The following NFATC2 variants were observed in gnomAD, a reference collection of about 807,000 sequenced individuals.
NFATC2 encodes nuclear factor of activated T-cells, cytoplasmic 2.
Under a neutral mutation model 87.3 loss-of-function variants are expected in NFATC2, and 22 were observed. That is an observed-to-expected ratio of 0.25 (90% CI 0.18 to 0.36). The LOEUF is 0.36. Ranked by LOEUF, NFATC2 falls within the 10% of genes least tolerant of loss-of-function variation. The probability of loss-of-function intolerance (pLI) is 1.00; values close to 1 mark genes in which losing one functional copy is unlikely to be tolerated. For missense variants in NFATC2, 1,149 were observed against 1,259.1 expected (o/e 0.91, Z 1.32); for synonymous variants, 565 against 542.2 (o/e 1.04, Z -0.58).
At chr20:51,397,600 A>G (rs1987365183) in intron 10 of NFATC2, among the ~76,000 whole-genome samples, 1 of 152,158 alleles carries the variant, frequency 6.6e-6, no homozygotes, top group Non-Finnish European at 1.5e-5. Flanking sequence ...CAAAGTCCTG[A>G]GGACACTCCT....
chr20:51,405,612 C>T (rs6021183), intron 9 of NFATC2, among the ~76,000 whole-genome samples: 139,294 of 152,188 alleles, frequency 0.92, 63,804 homozygotes, highest in African/African-American at 0.94. Flanking sequence ...TCTTGAAACC[C>T]GTGACATTTT....
At chr20:51,475,425 G>C (rs1218353978) in intron 4 of NFATC2, 33 bp downstream of exon 4, 1 of 1,610,360 alleles carries the variant, frequency 6.2e-7, no homozygotes, top group East Asian at 2.2e-5. Flanking sequence ...GCTTCTCCAT[G>C]AAGACCCGCC....
At chr20:51,515,277 A>C (rs11696516) in intron 3 of NFATC2, among the ~76,000 whole-genome samples, 58,450 of 152,060 alleles carry the variant, frequency 0.38, 11,946 homozygotes, top group Non-Finnish European at 0.45. Context: ...AGAGACTAAG[A>C]GTGCAGCGGA....
At chr20:51,504,253 C>T (rs1749650132) in intron 3 of NFATC2, among the ~76,000 whole-genome samples, 1 of 152,124 alleles carries the variant, frequency 6.6e-6, no homozygotes, top group African/African-American at 2.4e-5. Context: ...AACTCCTGAC[C>T]TCAGGTGATC....
intron 9 of NFATC2, among the ~76,000 whole-genome samples, chr20:51,420,617 G>A (rs746686488): frequency 5.3e-5 from 8 of 151,972 alleles, no homozygotes; most frequent in Non-Finnish European, 1.0e-4. Flanking sequence ...ATTTAATCTA[G>A]GGGAAGAACC....
rs912343506 is a variant in NFATC2, at chr20:51,487,813, A to G, written c.1333-12153T>C. On this transcript the variant is annotated intron_variant, in intron 3 of 10. Transcript: ENST00000371564. ...GAGTCACTTTTGCCACAAGGGGGAA[A>G]AAAAAAAAGGAGAAGGCAGACGTGA... 5.9e-5 allele frequency among the ~76,000 whole-genome samples: 9 copies of G among 151,994 alleles called. No homozygotes were observed. The East Asian group carries it at 1.5e-3, about 26-fold the overall frequency.
intron 10 of NFATC2, 53 bp downstream of exon 10, chr20:51,398,590 T>G: frequency 7.4e-7 from 1 of 1,359,956 alleles, no homozygotes; most frequent in Non-Finnish European, 1.0e-6. Context: ...AAAATTCAAG[T>G]TAAGGAAACA....
At chr20:51,477,570 TATATATATATAA>T (rs1207119672) in intron 3 of NFATC2, among the ~76,000 whole-genome samples, 2,206 of 86,770 alleles carry the variant, frequency 0.025, 33 homozygotes, top group Middle Eastern at 0.035. Flanking sequence ...TATATATATA[TATATATATATAA>T]AATAACAAGA....
chr20:51,517,773 T>A (rs2081542494), intron 2 of NFATC2, among the ~76,000 whole-genome samples: 1 of 151,798 alleles, frequency 6.6e-6, no homozygotes, highest in South Asian at 2.1e-4. Flanking sequence ...AAAAATTAGC[T>A]GGGCTTGGTG....
intron 6 of NFATC2, 143 bp from the exon 7 acceptor site, chr20:51,435,904 T>C: frequency 3.0e-6 from 2 of 658,922 alleles, no homozygotes; most frequent in Non-Finnish European, 5.3e-6. Flanking sequence ...CACGTGTGTG[T>C]ACATATGTAT....
At chr20:51,403,010 G>A (rs1355649762) in intron 9 of NFATC2, among the ~76,000 whole-genome samples, 2 of 152,014 alleles carry the variant, frequency 1.3e-5, no homozygotes, top group Non-Finnish European at 2.9e-5. Context: ...CATATGCCAG[G>A]ACCAGCTCAC....
At position 51,391,463 on chromosome 20, in the gene NFATC2, AAGAGG is replaced by A; in HGVS notation, c.*45-17_*45-13del. The A allele has an allele frequency of 8.4e-7, 1 of 1,186,852 alleles. No individual in the cohort carries two copies. Among genetic ancestry groups the A allele is most frequent in the Non-Finnish European group, 1.2e-6 (1 of 862,224 alleles). The allele number at this position is 1,186,852 out of a possible 1,614,324, so 73.5% of individuals were successfully genotyped here. ...GATAATTTCATTAACTACAAAAGAA[AAGAGG>A]AGGGGGGGGGAGAGAGAATGGGGCA... On this transcript the variant is annotated splice_polypyrimidine_tract_variant and intron_variant, in intron 10 of 10. Coordinates refer to ENST00000371564, the MANE Select transcript of NFATC2 (RefSeq NM_012340.5).
upstream of NFATC2, among the ~76,000 whole-genome samples, chr20:51,543,226 C>T (rs1272663619): frequency 6.6e-6 from 1 of 152,154 alleles, no homozygotes; most frequent in African/African-American, 2.4e-5. Flanking sequence ...CAGCACTAGT[C>T]CCCCCCGTTA....
upstream of NFATC2, among the ~76,000 whole-genome samples, chr20:51,547,212 G>A (rs567951851): frequency 4.2e-4 from 64 of 152,270 alleles, no homozygotes; most frequent in Admixed American, 7.2e-4. Context: ...TCTTATAGCC[G>A]TCCAGGAAAG....
intron 9 of NFATC2, among the ~76,000 whole-genome samples, chr20:51,428,013 G>C (rs1982110189): frequency 6.6e-6 from 1 of 152,206 alleles, no homozygotes; most frequent in Non-Finnish European, 1.5e-5. Flanking sequence ...GTCCAGCACA[G>C]AGTAGACAGC....
At chr20:51,406,491 C>T (rs1356726785) in intron 9 of NFATC2, among the ~76,000 whole-genome samples, 8 of 152,184 alleles carry the variant, frequency 5.3e-5, no homozygotes, top group Non-Finnish European at 7.3e-5. Context: ...ATGCCAAGCC[C>T]GGTACACATC....
chr20:51,442,462 A>AAT (rs1984476339), intron 6 of NFATC2, among the ~76,000 whole-genome samples: 1 of 152,018 alleles, frequency 6.6e-6, no homozygotes, highest in Non-Finnish European at 1.5e-5. Context: ...AATAAAATAA[A>AAT]AAGCAGATTT....
intron 5 of NFATC2, among the ~76,000 whole-genome samples, chr20:51,472,629 C>CTTTTT (rs1223762055): frequency 6.0e-4 from 56 of 92,730 alleles, no homozygotes; most frequent in Non-Finnish European, 9.1e-4. Context: ...CTTCTTTCTT[C>CTTTTT]TTTTTTTTTT....
chr20:51,471,209 C>A (rs1414120932), intron 5 of NFATC2, among the ~76,000 whole-genome samples: 1 of 152,204 alleles, frequency 6.6e-6, no homozygotes. Flanking sequence ...CCTTGAGAAA[C>A]CCAAAGAGAG....
Sources: allele counts gnomAD v4.1 joint callset (sites outside exome capture counted in the v4.1 genomes callset), GRCh38; gene constraint gnomAD v4.1.1; transcripts MANE v1.5; gene names NCBI Gene and HGNC (gene_info 2026-07-23, HGNC 2026-07-21).